Variants in CERS6 observed in about 807,000 individuals in gnomAD.
CERS6 encodes ceramide synthase 6, also known as LAG1 homolog, ceramide synthase 6.
In CERS6, 26 loss-of-function variants were observed where a neutral mutation model predicts 56.8. The ratio of observed to expected loss-of-function variants is 0.46; its 90% CI spans 0.34 to 0.63. The LOEUF (loss-of-function observed/expected upper bound fraction) is 0.63, where lower values mean the gene tolerates loss of function less well. CERS6 is among the 30% of genes least tolerant of loss of function. The pLI, the probability that CERS6 is intolerant of heterozygous loss-of-function variation, is 0.01. For synonymous variants in CERS6, 164 were observed against 173.3 expected, an observed-to-expected ratio of 0.95 and a Z score of 0.42; for missense variants, 415 against 467.5, an observed-to-expected ratio of 0.89 and a Z score of 1.04.
intron 4 of CERS6, among the ~76,000 whole-genome samples, chr2:168,643,975 C>G (rs775935556): frequency 6.6e-6 from 1 of 152,186 alleles, no homozygotes; most frequent in Non-Finnish European, 1.5e-5. Flanking sequence ...ACTGGTGTCT[C>G]CTGATCTCTG....
At position 168,610,277 on chromosome 2, in the gene CERS6, G is replaced by A. The variant is rs557314186; in HGVS notation, c.408-20708G>A. ...CAGGCGTGAGCCACCACTCCCGGCCGACTGATTTTTTTTAGAATAGGTAAG... is the reference window on the plus strand; with the variant it reads ...CAGGCGTGAGCCACCACTCCCGGCCAACTGATTTTTTTTAGAATAGGTAAG... On this transcript the variant is annotated intron_variant, in intron 3 of 9. Coordinates refer to ENST00000305747, the MANE Select transcript of CERS6 (RefSeq NM_203463.3). Among the ~76,000 whole-genome samples, 7 of 152,156 alleles carry A rather than the reference G, an allele frequency of 4.6e-5. No homozygotes were observed. The South Asian group carries it at 1.5e-3, about 32-fold the overall frequency.
intron 3 of CERS6, among the ~76,000 whole-genome samples, chr2:168,599,939 G>A (rs1683892402): frequency 6.6e-6 from 1 of 152,102 alleles, no homozygotes; most frequent in Non-Finnish European, 1.5e-5. Context: ...ATCACCTGGG[G>A]GTAAAATCTG....
intron 2 of CERS6, among the ~76,000 whole-genome samples, chr2:168,556,505 T>C (rs1221296878): frequency 1.3e-5 from 2 of 152,146 alleles, no homozygotes; most frequent in Non-Finnish European, 2.9e-5. Context: ...CCCCTTACTT[T>C]CTATATCTAT....
rs534983621 is a variant in CERS6 at position 168,546,753 on chromosome 2, T to C, written c.171-843T>C. ...ATTAAATGTTACTACTGAAAATGAATATTTACAGAGTTTTATTTCTTGAGC... is the reference window on the plus strand; with the variant it reads ...ATTAAATGTTACTACTGAAAATGAACATTTACAGAGTTTTATTTCTTGAGC... On this transcript the variant is annotated intron_variant, in intron 1 of 9. Coordinates refer to ENST00000305747, the MANE Select transcript of CERS6 (RefSeq NM_203463.3). 5.9e-5 allele frequency among the ~76,000 whole-genome samples: 9 copies of C among 152,372 alleles called. No homozygotes were observed. In the East Asian group the frequency reaches 1.3e-3, roughly 23 times the overall value.
intron 1 of CERS6, among the ~76,000 whole-genome samples, chr2:168,535,010 C>T (rs1226053998): frequency 2.0e-5 from 3 of 152,330 alleles, no homozygotes; most frequent in African/African-American, 4.8e-5. Context: ...CTGCCACAGC[C>T]GGTGTGTTGG....
At chr2:168,554,684 T>C (rs1695643209) in intron 2 of CERS6, among the ~76,000 whole-genome samples, 1 of 152,190 alleles carries the variant, frequency 6.6e-6, no homozygotes, top group Admixed American at 6.5e-5. Flanking sequence ...GGGAACTTTG[T>C]TACAGCAGCC....
At chr2:168,550,683 G>A (rs1442788554) in intron 2 of CERS6, among the ~76,000 whole-genome samples, 2 of 152,128 alleles carry the variant, frequency 1.3e-5, no homozygotes, top group Admixed American at 1.3e-4. Context: ...ATACAGTCAG[G>A]CCTCTCTCCA....
chr2:168,616,358 A>G (rs971808345), intron 3 of CERS6, among the ~76,000 whole-genome samples: 1 of 152,254 alleles, frequency 6.6e-6, no homozygotes, highest in Non-Finnish European at 1.5e-5. Flanking sequence ...AATAAATAGC[A>G]TAATGAATGC....
intron 1 of CERS6, among the ~76,000 whole-genome samples, chr2:168,468,934 T>C (rs1363802321): frequency 1.3e-5 from 2 of 152,176 alleles, no homozygotes; most frequent in African/African-American, 4.8e-5. Flanking sequence ...TTTAGACAGC[T>C]CAGAAACATT....
chr2:168,760,770 T>TTTA (rs1559083940), intron 8 of CERS6, among the ~76,000 whole-genome samples: 8 of 135,996 alleles, frequency 5.9e-5, no homozygotes, highest in African/African-American at 2.4e-4. Context: ...TTATTTATTT[T>TTTA]TTTGAGACGG....
At chr2:168,536,676 A>G (rs1004288822) in intron 1 of CERS6, among the ~76,000 whole-genome samples, 9 of 152,204 alleles carry the variant, frequency 5.9e-5, no homozygotes, top group Non-Finnish European at 1.2e-4. Flanking sequence ...GTAGGAAAGT[A>G]AAGCAAATTA....
chr2:168,466,929 A>G (rs1693891844), intron 1 of CERS6, among the ~76,000 whole-genome samples: 1 of 152,208 alleles, frequency 6.6e-6, no homozygotes, highest in Non-Finnish European at 1.5e-5. Flanking sequence ...GTAACTCGCC[A>G]TTGTCTACAT....
chr2:168,637,041 C>A (rs1009587183), intron 4 of CERS6, among the ~76,000 whole-genome samples: 2 of 152,118 alleles, frequency 1.3e-5, no homozygotes, highest in African/African-American at 4.8e-5. Flanking sequence ...AGCTCATATC[C>A]CATAATTCAG....
intron 3 of CERS6, among the ~76,000 whole-genome samples, chr2:168,570,465 C>G (rs1451695829): frequency 2.0e-5 from 3 of 152,142 alleles, no homozygotes; most frequent in Admixed American, 2.0e-4. Context: ...CCAGGTGATT[C>G]TGAAGAGGAC....
intron 3 of CERS6, among the ~76,000 whole-genome samples, chr2:168,618,973 GC>G (rs1288896925): frequency 5.3e-5 from 8 of 151,968 alleles, no homozygotes; most frequent in African/African-American, 1.7e-4. Flanking sequence ...ATACTATAAG[GC>G]CATAGTCACC....
chr2:168,559,734 C>CTATATATAT (rs1695752127), intron 2 of CERS6, among the ~76,000 whole-genome samples: 1 of 85,510 alleles, frequency 1.2e-5, no homozygotes, highest in Non-Finnish European at 2.5e-5. Context: ...AGAAAGGTAT[C>CTATATATAT]ATATATATAT....
At chr2:168,600,481 G>A (rs13384812) in intron 3 of CERS6, among the ~76,000 whole-genome samples, 1 of 152,108 alleles carries the variant, frequency 6.6e-6, no homozygotes, top group Non-Finnish European at 1.5e-5. Context: ...TGGGATTACA[G>A]GCGTGAGCCA....
At chr2:168,543,190 ATG>A (rs1381547497) in intron 1 of CERS6, among the ~76,000 whole-genome samples, 2 of 152,148 alleles carry the variant, frequency 1.3e-5, no homozygotes, top group African/African-American at 4.8e-5. Context: ...CATCCTTATT[ATG>A]TTTACTTTCA....
chr2:168,748,251 T>A (rs1030454085), intron 8 of CERS6, among the ~76,000 whole-genome samples: 3 of 152,198 alleles, frequency 2.0e-5, no homozygotes, highest in Admixed American at 6.5e-5. Flanking sequence ...ACCTTCAGCT[T>A]GTTGACTGTA....
Sources: allele counts gnomAD v4.1 joint callset (sites outside exome capture counted in the v4.1 genomes callset), GRCh38; gene constraint gnomAD v4.1.1; transcripts MANE v1.5; gene names NCBI Gene and HGNC (gene_info 2026-07-23, HGNC 2026-07-21).